Variants in DPP10 observed in about 807,000 individuals in gnomAD.
The protein encoded by DPP10 is dipeptidyl peptidase like 10.
DPP10 carries 33 observed loss-of-function variants against 120.9 expected under a neutral mutation model. That is an observed-to-expected ratio of 0.27 (90% CI 0.21 to 0.37). The LOEUF (loss-of-function observed/expected upper bound fraction) is 0.37. DPP10 is among the 10% of genes least tolerant of loss of function. The probability of loss-of-function intolerance (pLI) is 1.00; values close to 1 mark genes in which losing one functional copy is unlikely to be tolerated. For missense variants in DPP10, 816 were observed against 942.8 expected, an observed-to-expected ratio of 0.87 and a Z score of 1.76; for synonymous variants, 337 against 326.1, an observed-to-expected ratio of 1.03 and a Z score of -0.36.
intron 1 of DPP10, among the ~76,000 whole-genome samples, chr2:114,980,719 A>C (rs887624795): frequency 4.6e-5 from 7 of 151,954 alleles, no homozygotes; most frequent in African/African-American, 1.7e-4. Context: ...TTCAATTAAC[A>C]AATCCAACTC....
intron 5 of DPP10, among the ~76,000 whole-genome samples, chr2:115,549,882 A>G (rs2079766438): frequency 6.6e-6 from 1 of 152,054 alleles, no homozygotes; most frequent in South Asian, 2.1e-4. Context: ...TTTTGAGTGT[A>G]TTTTATGCCT....
chr2:115,382,950 T>G (rs983081157), intron 3 of DPP10, among the ~76,000 whole-genome samples: 4 of 152,224 alleles, frequency 2.6e-5, no homozygotes, highest in African/African-American at 9.6e-5. Context: ...ACAGCATTTT[T>G]GAAGCAGCAT....
At chr2:114,626,490 A>C (rs1168547252) in intron 1 of DPP10, among the ~76,000 whole-genome samples, 1 of 152,044 alleles carries the variant, frequency 6.6e-6, no homozygotes, top group Non-Finnish European at 1.5e-5. Context: ...GACTATTGAG[A>C]CATGAAAAAT....
intron 5 of DPP10, among the ~76,000 whole-genome samples, chr2:115,592,745 A>G (rs1220564961): frequency 6.6e-6 from 1 of 151,952 alleles, no homozygotes; most frequent in Non-Finnish European, 1.5e-5. Context: ...ACAGAGTGAC[A>G]CTCGGTCTCA....
intron 7 of DPP10, among the ~76,000 whole-genome samples, chr2:115,711,484 G>C (rs1303125593): frequency 6.6e-6 from 1 of 152,136 alleles, no homozygotes; most frequent in Non-Finnish European, 1.5e-5. Flanking sequence ...TCTAGCTGTT[G>C]TGTTCAGGAT....
At chr2:115,361,154 T>C (rs748150735) in intron 3 of DPP10, among the ~76,000 whole-genome samples, 3 of 151,964 alleles carry the variant, frequency 2.0e-5, no homozygotes, top group Non-Finnish European at 4.4e-5. Flanking sequence ...GAGCATGGTA[T>C]ACCCAGCTGC....
chr2:114,829,657 G>A (rs941195381), intron 1 of DPP10, among the ~76,000 whole-genome samples: 8 of 151,664 alleles, frequency 5.3e-5, no homozygotes, highest in East Asian at 2.0e-4. Flanking sequence ...GATTACAGGC[G>A]TGAGCCACCG....
In DPP10 at chr2:115,126,358, T is replaced by A. The variant is rs2050084709; in HGVS notation, c.61-182881T>A. Among the ~76,000 whole-genome samples, 5 of 152,196 alleles carry A rather than the reference T, an allele frequency of 3.3e-5. No homozygotes were observed. The South Asian group carries it at 1.0e-3, about 32-fold the overall frequency. Reference sequence around the variant, plus strand: ...CTCAAGCAATCCACCCGCCTCAGCCTCCCAAAGGGCCAATATTACAAGCGT... The same window carrying A: ...CTCAAGCAATCCACCCGCCTCAGCCACCCAAAGGGCCAATATTACAAGCGT... On this transcript the variant is annotated intron_variant, in intron 1 of 25. Transcript: ENST00000410059.
chr2:115,621,544 T>C (rs6741532), intron 5 of DPP10, among the ~76,000 whole-genome samples: 19,123 of 152,216 alleles, frequency 0.13, 1,664 homozygotes, highest in African/African-American at 0.25. Context: ...AGGGATATTT[T>C]TTAATACTCT....
chr2:115,013,814 C>A (rs1054590388), intron 1 of DPP10, among the ~76,000 whole-genome samples: 9 of 152,034 alleles, frequency 5.9e-5, no homozygotes, highest in African/African-American at 1.9e-4. Flanking sequence ...TATATATACA[C>A]CCCATACTGG....
At chr2:114,840,614 G>A (rs904227898) in intron 1 of DPP10, among the ~76,000 whole-genome samples, 1 of 152,174 alleles carries the variant, frequency 6.6e-6, no homozygotes, top group East Asian at 1.9e-4. Context: ...AACATTCAAA[G>A]CTTTCAGTTA....
At chr2:114,958,649 C>T (rs1417326440) in intron 1 of DPP10, among the ~76,000 whole-genome samples, 1 of 152,064 alleles carries the variant, frequency 6.6e-6, no homozygotes, top group Non-Finnish European at 1.5e-5. Flanking sequence ...AAAATATTTA[C>T]AATTATTATT....
At position 115,358,105 on chromosome 2, in the gene DPP10, G is replaced by A. The variant is rs556702005; in HGVS notation, c.271+14193G>A. ...TTCCATTGTCTTGGTGATTAACATT[G>A]GGCCCCCTGTTGCTTATTCAAATTT... is the stretch of plus-strand genomic sequence containing the variant. On this transcript the variant is annotated intron_variant, in intron 3 of 25. Transcript: ENST00000410059. Among the ~76,000 whole-genome samples the A allele has an allele frequency of 5.3e-5, 8 of 152,128 alleles. No homozygotes were observed. In the East Asian group the frequency reaches 1.4e-3, roughly 26 times the overall value.
intron 1 of DPP10, among the ~76,000 whole-genome samples, chr2:114,652,378 GT>G (rs1430885656): frequency 2.0e-5 from 3 of 152,308 alleles, no homozygotes; most frequent in Admixed American, 2.0e-4. Flanking sequence ...ATCAAAGTCT[GT>G]GGGCTTTCTC....
At chr2:114,637,465 C>T (rs761164472) in intron 1 of DPP10, among the ~76,000 whole-genome samples, 3 of 151,870 alleles carry the variant, frequency 2.0e-5, no homozygotes, top group Non-Finnish European at 4.4e-5. Context: ...ATTTCAAGTG[C>T]TGTGCAGAAG....
chr2:115,292,998 G>T (rs1178007254), intron 1 of DPP10, among the ~76,000 whole-genome samples: 1 of 152,046 alleles, frequency 6.6e-6, no homozygotes, highest in Non-Finnish European at 1.5e-5. Flanking sequence ...ATTCACCAAG[G>T]TATGAGCCCT....
chr2:115,446,720 T>C (rs1229578541), intron 3 of DPP10, among the ~76,000 whole-genome samples: 1 of 152,116 alleles, frequency 6.6e-6, no homozygotes, highest in Non-Finnish European at 1.5e-5. Context: ...CCTATCTTAG[T>C]GCACCTAAAG....
Position 115,739,794 on chromosome 2 carries a change from T to G in DPP10, c.753T>G (p.Leu251=), listed in dbSNP as rs1417721850. 1.2e-6 allele frequency: 2 copies of G among 1,613,488 alleles called. No homozygotes were observed. Among genetic ancestry groups the G allele is most frequent in the African/African-American group, 2.7e-5 (2 of 74,904 alleles). The change falls in exon 9 of 26, where the codon CTT becomes CTG. Residue 251 remains leucine (L), a synonymous_variant. Coordinates refer to ENST00000410059, the MANE Select transcript of DPP10 (RefSeq NM_020868.6). ...AHWWSPDGER[L]AFLMINDSLV... ...GGTGGTCACCAGATGGAGAAAGACT[T>G]GCCTTCCTGATGATAAATGACTCTT...
intron 10 of DPP10, among the ~76,000 whole-genome samples, chr2:115,747,447 CTCTTA>C (rs1322075105): frequency 6.6e-6 from 1 of 152,096 alleles, no homozygotes; most frequent in African/African-American, 2.4e-5. Flanking sequence ...TGGTCCTTAA[CTCTTA>C]TCTTTTTCTC....
Sources: gnomAD v4.1 joint callset for allele counts (sites outside exome capture counted in the v4.1 genomes callset) on GRCh38, gnomAD v4.1.1 for gene constraint, MANE v1.5 for transcripts, NCBI Gene and HGNC (gene_info 2026-07-23, HGNC 2026-07-21) for gene names.